Variants in DPYD observed in about 807,000 individuals in gnomAD.
The protein encoded by DPYD is dihydropyrimidine dehydrogenase [NADP(+)].
DPYD carries 109 observed loss-of-function variants against 116.2 expected under a neutral mutation model. That is an observed-to-expected ratio of 0.94 (90% CI 0.80 to 1.10). DPYD has a LOEUF of 1.10. Ranked by LOEUF, DPYD falls within the 50% of genes least tolerant of loss-of-function variation. DPYD has a pLI of 0.00. For synonymous variants in DPYD, 440 were observed against 432.0 expected (o/e 1.02, Z -0.23); for missense variants, 1,302 against 1,254.5 (o/e 1.04, Z -0.57).
intron 14 of DPYD, among the ~76,000 whole-genome samples, chr1:97,383,041 G>A (rs1001719920): frequency 6.6e-6 from 1 of 152,140 alleles, no homozygotes; most frequent in Non-Finnish European, 1.5e-5. Flanking sequence ...ACTGTATAGA[G>A]TAGTAATTAC....
chr1:97,113,724 T>C (rs1025336896), intron 20 of DPYD, among the ~76,000 whole-genome samples: 2 of 152,158 alleles, frequency 1.3e-5, no homozygotes, highest in Non-Finnish European at 2.9e-5. Flanking sequence ...CACAGCTCTA[T>C]ATTTCATCAC....
At chr1:97,806,865 CT>C (rs1209509186) in intron 3 of DPYD, among the ~76,000 whole-genome samples, 1 of 151,916 alleles carries the variant, frequency 6.6e-6, no homozygotes, top group African/African-American at 2.4e-5. Context: ...TTTTCACTGT[CT>C]TTTAGTTTTG....
intron 18 of DPYD, among the ~76,000 whole-genome samples, chr1:97,267,251 G>A (rs1407415512): frequency 1.3e-5 from 2 of 152,074 alleles, no homozygotes; most frequent in Non-Finnish European, 2.9e-5. Flanking sequence ...ATCTCATTGT[G>A]GTTTTTATTT....
chr1:97,389,855 C>T (rs1278377259), intron 14 of DPYD, among the ~76,000 whole-genome samples: 2 of 110,392 alleles, frequency 1.8e-5, no homozygotes, highest in Non-Finnish European at 2.0e-5. Flanking sequence ...TGTGCAGATG[C>T]TTATTTGGCA....
chr1:97,255,254 C>A (rs1449494594), intron 18 of DPYD, among the ~76,000 whole-genome samples: 1 of 152,164 alleles, frequency 6.6e-6, no homozygotes, highest in East Asian at 1.9e-4. Context: ...ACTTATACAG[C>A]ACTTCCTATA....
intron 13 of DPYD, among the ~76,000 whole-genome samples, chr1:97,495,709 A>T (rs1233348095): frequency 1.3e-5 from 2 of 152,090 alleles, no homozygotes; most frequent in Non-Finnish European, 2.9e-5. Context: ...TTTACAGATA[A>T]ACATAGCAAT....
chr1:97,534,684 G>A (rs1649865835), intron 12 of DPYD, among the ~76,000 whole-genome samples: 2 of 151,846 alleles, frequency 1.3e-5, no homozygotes, highest in Middle Eastern at 6.8e-3. Flanking sequence ...CTTACTATGT[G>A]AATTTACTCT....
chr1:97,814,466 G>C (rs189194619), intron 3 of DPYD, among the ~76,000 whole-genome samples: 1 of 152,232 alleles, frequency 6.6e-6, no homozygotes, highest in Non-Finnish European at 1.5e-5. Flanking sequence ...TCAGATGAGA[G>C]GTAAGGAGGG....
intron 5 of DPYD, chr1:97,719,771 C>G: frequency 1.0e-6 from 1 of 984,900 alleles, no homozygotes. Context: ...GTAGTTCCCA[C>G]GAGGACATTT....
chr1:97,438,845 C>G (rs1006809820), intron 14 of DPYD, among the ~76,000 whole-genome samples: 6 of 152,024 alleles, frequency 3.9e-5, no homozygotes, highest in African/African-American at 1.2e-4. Context: ...TATATAAAGA[C>G]AGTTTTACTT....
chr1:97,509,533 T>A (rs1647621245), intron 13 of DPYD, among the ~76,000 whole-genome samples: 1 of 151,958 alleles, frequency 6.6e-6, no homozygotes, highest in Admixed American at 6.6e-5. Context: ...ACTGAACGTG[T>A]TCAGTTGAGT....
chr1:97,742,450 C>T (rs1055432937), intron 3 of DPYD, among the ~76,000 whole-genome samples: 4 of 152,070 alleles, frequency 2.6e-5, no homozygotes, highest in African/African-American at 4.8e-5. Context: ...AATCAATTGT[C>T]CTCTCTGAAA....
chr1:97,399,993 G>A (rs1168471520), intron 14 of DPYD, among the ~76,000 whole-genome samples: 2 of 152,136 alleles, frequency 1.3e-5, no homozygotes, highest in Non-Finnish European at 2.9e-5. Context: ...ATGTTGAATA[G>A]GAGTGGTGAG....
chr1:97,762,899 G>A (rs186260611), intron 3 of DPYD, among the ~76,000 whole-genome samples: 9 of 152,070 alleles, frequency 5.9e-5, no homozygotes, highest in East Asian at 3.9e-4. Flanking sequence ...AATATGCGTC[G>A]TCACAACTGC....
intron 11 of DPYD, among the ~76,000 whole-genome samples, chr1:97,567,293 T>C (rs894917099): frequency 6.6e-6 from 1 of 151,932 alleles, no homozygotes; most frequent in African/African-American, 2.4e-5. Flanking sequence ...GGCCTTCTAA[T>C]AAGAGGAACT....
chr1:97,745,297 T>C (rs927574850), intron 3 of DPYD, among the ~76,000 whole-genome samples: 1 of 152,142 alleles, frequency 6.6e-6, no homozygotes, highest in Non-Finnish European at 1.5e-5. Context: ...ACCACACCTG[T>C]GATGTTCATG....
At chr1:97,543,797 G>C (rs1474309798) in intron 12 of DPYD, among the ~76,000 whole-genome samples, 1 of 152,080 alleles carries the variant, frequency 6.6e-6, no homozygotes, top group Non-Finnish European at 1.5e-5. Flanking sequence ...ACTTTATTTT[G>C]AGGGTACAGC....
chr1:97,512,777 GA>G (rs1382965016), intron 13 of DPYD, among the ~76,000 whole-genome samples: 2 of 151,430 alleles, frequency 1.3e-5, no homozygotes, highest in Non-Finnish European at 3.0e-5. Context: ...TTTAAACTTG[GA>G]GCCGATATAC....
intron 3 of DPYD, among the ~76,000 whole-genome samples, chr1:97,827,751 A>G (rs1669310558): frequency 6.6e-6 from 1 of 152,158 alleles, no homozygotes; most frequent in South Asian, 2.1e-4. Flanking sequence ...AATATTAATT[A>G]GGAGGAAATA....
Sources: gnomAD v4.1 joint callset for allele counts (sites outside exome capture counted in the v4.1 genomes callset) on GRCh38, gnomAD v4.1.1 for gene constraint, MANE v1.5 for transcripts, NCBI Gene and HGNC (gene_info 2026-07-23, HGNC 2026-07-21) for gene names.